DGLUCY: variants seen among roughly 807,000 people sequenced by gnomAD.
The protein encoded by DGLUCY is D-glutamate cyclase, mitochondrial.
A neutral mutation model predicts 58.5 loss-of-function variants in DGLUCY; 58 were observed. The ratio of observed to expected loss-of-function variants is 0.99; its 90% CI spans 0.80 to 1.23. The LOEUF is 1.23. Among genes scored for constraint, DGLUCY ranks in the 50% most tolerant of loss-of-function variants. The probability of loss-of-function intolerance (pLI) is 0.00; values close to 1 mark genes in which losing one functional copy is unlikely to be tolerated. For synonymous variants in DGLUCY, 325 were observed against 314.1 expected, an observed-to-expected ratio of 1.03 and a Z score of -0.37; for missense variants, 779 against 784.7, an observed-to-expected ratio of 0.99 and a Z score of 0.09.
At chr14:91,134,095 A>G (rs2046188229) in intron 1 of DGLUCY, among the ~76,000 whole-genome samples, 1 of 152,154 alleles carries the variant, frequency 6.6e-6, no homozygotes, top group Non-Finnish European at 1.5e-5. Flanking sequence ...ACCCCAACAC[A>G]CACCTGTCTG....
intron 10 of DGLUCY, among the ~76,000 whole-genome samples, chr14:91,198,104 A>G (rs2050327422): frequency 1.3e-5 from 2 of 152,176 alleles, no homozygotes; most frequent in South Asian, 2.1e-4. Context: ...GTGCAGTGGC[A>G]CAATCTTGGC....
At chr14:91,174,731 A>G (rs1049084644) in intron 6 of DGLUCY, among the ~76,000 whole-genome samples, 1 of 152,182 alleles carries the variant, frequency 6.6e-6, no homozygotes, top group African/African-American at 2.4e-5. Context: ...GGGTTAATCA[A>G]ACTGGAAGCC....
intron 1 of DGLUCY, among the ~76,000 whole-genome samples, chr14:91,128,309 C>CA (rs34796763): frequency 0.025 from 2,572 of 102,876 alleles, 89 homozygotes; most frequent in African/African-American, 0.091. Context: ...CCCATCTCTA[C>CA]AAAAAAAAAA....
At chr14:91,154,555 G>A (rs190493978) in intron 1 of DGLUCY, among the ~76,000 whole-genome samples, 17 of 152,280 alleles carry the variant, frequency 1.1e-4, no homozygotes, top group East Asian at 9.7e-4. Flanking sequence ...ATCTTTTAGC[G>A]ATCTTATTTA....
At chr14:91,111,710 G>A (rs184760138), upstream of DGLUCY, among the ~76,000 whole-genome samples, 62 of 152,260 alleles carry the variant, frequency 4.1e-4, no homozygotes, top group Admixed American at 1.5e-3. Context: ...AGTTCTTTGG[G>A]GCCTCAATGC....
chr14:91,094,343 G>A (rs1446477755), intron 1 of DGLUCY, among the ~76,000 whole-genome samples: 1 of 151,534 alleles, frequency 6.6e-6, no homozygotes, highest in Non-Finnish European at 1.5e-5. Context: ...GCTGAGGCAG[G>A]ATAATCGCTT....
chr14:91,095,580 A>T (rs144096811), intron 1 of DGLUCY, among the ~76,000 whole-genome samples: 50 of 152,344 alleles, frequency 3.3e-4, no homozygotes, highest in African/African-American at 1.2e-3. Context: ...GTGGATTTCA[A>T]AAGAGATGCT....
rs757998298 is a variant in DGLUCY at position 91,199,745 on chromosome 14, G to T, written c.1296-12G>T. 1 of 1,613,866 alleles carries T rather than the reference G, an allele frequency of 6.2e-7. No individual in the cohort carries two copies. The highest frequency in any genetic ancestry group is 1.1e-5 in the South Asian group (1 of 91,074). ...TAGGACCCTCTGACCTCTGACCTTT[G>T]CTTCCCGGCAGATTTGACCACCTGG... On this transcript the variant is annotated splice_polypyrimidine_tract_variant and intron_variant, in intron 10 of 13. Transcript: ENST00000256324.
chr14:91,143,053 T>C (rs2046811421), intron 1 of DGLUCY, among the ~76,000 whole-genome samples: 1 of 136,276 alleles, frequency 7.3e-6, no homozygotes, highest in African/African-American at 2.8e-5. Flanking sequence ...AAAAAAAGGA[T>C]CTAATGGCAG....
At chr14:91,138,121 A>G (rs1235669443) in intron 1 of DGLUCY, among the ~76,000 whole-genome samples, 1 of 152,166 alleles carries the variant, frequency 6.6e-6, no homozygotes, top group Non-Finnish European at 1.5e-5. Context: ...GTTGATCCAG[A>G]TAAATGTTCT....
intron 1 of DGLUCY, among the ~76,000 whole-genome samples, chr14:91,095,436 C>T (rs1227328912): frequency 1.3e-5 from 2 of 152,194 alleles, no homozygotes; most frequent in Non-Finnish European, 2.9e-5. Flanking sequence ...GGGTGCTTGT[C>T]ACCGCATCTT....
Position 91,224,885 on chromosome 14 carries a change from CG to C in DGLUCY, c.*56del. On this transcript the variant is annotated 3_prime_UTR_variant, in exon 14 of 14. Coordinates refer to ENST00000256324, the MANE Select transcript of DGLUCY (RefSeq NM_001102368.3). ...CCCTACCAACGGGCAGGTCTGCATC[CG>C]GGGAGAATGCAGCTGCTTCTGGCGA... is the stretch of plus-strand genomic sequence containing the variant. The C allele has an allele frequency of 6.6e-7, 1 of 1,515,104 alleles. No individual in the cohort carries two copies. Among genetic ancestry groups the C allele is most frequent in the Non-Finnish European group, 8.9e-7 (1 of 1,120,262 alleles). 93.9% of individuals were successfully genotyped at this position (1,515,104 alleles called of 1,614,324 possible).
At chr14:91,181,529 A>G in intron 8 of DGLUCY, 140 bp downstream of exon 8, 1 of 797,730 alleles carries the variant, frequency 1.3e-6, no homozygotes, top group East Asian at 2.6e-5. Flanking sequence ...GATACTGCAT[A>G]TAAATCTCAA....
intron 1 of DGLUCY, among the ~76,000 whole-genome samples, chr14:91,144,433 G>T (rs1345209264): frequency 6.6e-6 from 1 of 152,140 alleles, no homozygotes; most frequent in Non-Finnish European, 1.5e-5. Flanking sequence ...GGTGGAGGGT[G>T]CCTGTAGTCC....
chr14:91,091,035 T>C (rs890583452), intron 1 of DGLUCY: 9 of 152,226 alleles, frequency 5.9e-5, no homozygotes, highest in African/African-American at 1.9e-4. Context: ...GTGTTGAGGA[T>C]TGGGAAGACA....
chr14:91,061,391 G>T (rs1192606743), intron 1 of DGLUCY, among the ~76,000 whole-genome samples: 1 of 152,212 alleles, frequency 6.6e-6, no homozygotes, highest in Non-Finnish European at 1.5e-5. Flanking sequence ...CCGAAAGGAT[G>T]CAGAGATTAA....
intron 11 of DGLUCY, among the ~76,000 whole-genome samples, chr14:91,203,912 A>G (rs2050723864): frequency 6.6e-6 from 1 of 152,162 alleles, no homozygotes; most frequent in Admixed American, 6.5e-5. Flanking sequence ...CCTGATCTCA[A>G]GTGATCTCCC....
At chr14:91,166,704 G>A (rs2048304867) in intron 3 of DGLUCY, among the ~76,000 whole-genome samples, 1 of 151,952 alleles carries the variant, frequency 6.6e-6, no homozygotes, top group African/African-American at 2.4e-5. Context: ...GTATGGTAGT[G>A]TGCACCTGTA....
chr14:91,161,369 C>T (rs1442437109), intron 3 of DGLUCY, among the ~76,000 whole-genome samples: 1 of 152,182 alleles, frequency 6.6e-6, no homozygotes, highest in Non-Finnish European at 1.5e-5. Flanking sequence ...CGCACCAGGC[C>T]CAACAAAGCA....
Sources: allele counts gnomAD v4.1 joint callset (sites outside exome capture counted in the v4.1 genomes callset), GRCh38; gene constraint gnomAD v4.1.1; transcripts MANE v1.5; gene names NCBI Gene and HGNC (gene_info 2026-07-23, HGNC 2026-07-21).